Variants in WDPCP observed in about 807,000 individuals in gnomAD.
WDPCP encodes the protein WD repeat-containing and planar cell polarity effector protein fritz homolog.
A neutral mutation model predicts 93.1 loss-of-function variants in WDPCP; 71 were observed. The observed-to-expected ratio is 0.76, with a 90% CI of 0.63 to 0.93. The LOEUF is 0.93. Ranked by LOEUF, WDPCP falls within the 40% of genes least tolerant of loss-of-function variation. WDPCP has a pLI of 0.00. For synonymous variants in WDPCP, 315 were observed against 315.0 expected (o/e 1.00, Z 0.00); for missense variants, 844 against 887.4 (o/e 0.95, Z 0.62).
At chr2:63,225,281 T>G (rs1678192209) in intron 14 of WDPCP, among the ~76,000 whole-genome samples, 1 of 151,724 alleles carries the variant, frequency 6.6e-6, no homozygotes, top group Admixed American at 6.6e-5. Flanking sequence ...AAAAGATATA[T>G]CCAAATTCCC....
chr2:63,204,873 A>AT, intron 14 of WDPCP, among the ~76,000 whole-genome samples: 1 of 151,856 alleles, frequency 6.6e-6, no homozygotes, highest in Non-Finnish European at 1.5e-5. Flanking sequence ...CCATTTGTCC[A>AT]TTTTTGCTTT....
At chr2:63,137,554 G>C (rs925072329) in intron 17 of WDPCP, among the ~76,000 whole-genome samples, 8 of 152,026 alleles carry the variant, frequency 5.3e-5, no homozygotes, top group Admixed American at 3.3e-4. Flanking sequence ...CTTTAGTTTA[G>C]TTTAATTGGA....
chr2:63,181,778 G>GTT (rs376768044), intron 14 of WDPCP, among the ~76,000 whole-genome samples: 21 of 149,046 alleles, frequency 1.4e-4, no homozygotes, highest in African/African-American at 5.2e-4. Flanking sequence ...CATCTGTATG[G>GTT]TTTTTTTTTA....
intron 9 of WDPCP, among the ~76,000 whole-genome samples, chr2:63,423,270 G>T (rs567022195): frequency 9.4e-4 from 143 of 152,278 alleles, no homozygotes; most frequent in African/African-American, 3.4e-3. Context: ...TTTGTCACTG[G>T]TTGAAAGCTA....
intron 2 of WDPCP, among the ~76,000 whole-genome samples, chr2:63,676,079 G>A (rs1285986821): frequency 2.8e-4 from 42 of 152,134 alleles, no homozygotes; most frequent in Admixed American, 2.7e-3. Flanking sequence ...AGCTGGCTAG[G>A]TTATTTTGGA....
intron 14 of WDPCP, among the ~76,000 whole-genome samples, chr2:63,216,448 A>G (rs1272713202): frequency 2.0e-5 from 3 of 152,192 alleles, no homozygotes; most frequent in Non-Finnish European, 2.9e-5. Flanking sequence ...TAAGCAAACT[A>G]TCACAAGGAT....
chr2:63,369,241 AG>A, intron 12 of WDPCP: 1 of 330,996 alleles, frequency 3.0e-6, no homozygotes, highest in South Asian at 2.6e-5. Context: ...ATGTCCTTAA[AG>A]GCCAGTTACT....
chr2:63,408,041 C>T (rs1694728357), intron 9 of WDPCP, among the ~76,000 whole-genome samples: 1 of 152,138 alleles, frequency 6.6e-6, no homozygotes, highest in African/African-American at 2.4e-5. Flanking sequence ...CTCTAATAGG[C>T]TCTGTAGTTT....
intron 12 of WDPCP, chr2:63,377,793 GTATA>G (rs35964937): frequency 0.65 from 97,596 of 149,178 alleles, 33,752 homozygotes; most frequent in African/African-American, 0.9. Context: ...TGAACTTCAT[GTATA>G]TATATATATA....
chr2:63,188,452 CT>C (rs1216754440), intron 14 of WDPCP, among the ~76,000 whole-genome samples: 1 of 151,684 alleles, frequency 6.6e-6, no homozygotes, highest in East Asian at 1.9e-4. Flanking sequence ...CATTGAACCC[CT>C]CTAGTGAATT....
chr2:63,672,961 C>T (rs935916725), intron 2 of WDPCP, among the ~76,000 whole-genome samples: 1 of 151,978 alleles, frequency 6.6e-6, no homozygotes, highest in African/African-American at 2.4e-5. Context: ...CTGTGTTGCC[C>T]AGGTTGGTCT....
chr2:63,527,984 T>A (rs1280349501), intron 1 of WDPCP, among the ~76,000 whole-genome samples: 2 of 152,088 alleles, frequency 1.3e-5, no homozygotes, highest in African/African-American at 2.4e-5. Context: ...CAATGAGCAT[T>A]TTTTCATGTG....
At chr2:63,161,669 G>A (rs1672652481) in intron 15 of WDPCP, among the ~76,000 whole-genome samples, 1 of 151,754 alleles carries the variant, frequency 6.6e-6, no homozygotes, top group Non-Finnish European at 1.5e-5. Context: ...AATATAATTT[G>A]ACTAAAAATA....
In WDPCP at chr2:63,174,711, TC is replaced by T; in HGVS notation, c.2036del (p.Arg679AsnfsTer9). The T allele has an allele frequency of 6.2e-7, 1 of 1,614,018 alleles. No homozygotes were observed. The highest frequency in any genetic ancestry group is 1.7e-5 in the Admixed American group (1 of 60,002). On this transcript the variant is annotated frameshift_variant, in exon 15 of 18. Coordinates refer to ENST00000272321, the MANE Select transcript of WDPCP (RefSeq NM_015910.7). LOFTEE classifies it high-confidence loss of function. Reference protein sequence around the residue: ...DNLPPSCPTHRHILQQRILNG... With the variant: ...DNLPPSCPTHXHILQQRILNG... ...TCAGTATTCTTTGTTGTAAAATATG[TC>T]TGTGGGTTGGGCAAGAGGGAGGGAG...
intron 14 of WDPCP, among the ~76,000 whole-genome samples, chr2:63,246,723 A>T (rs1311877750): frequency 2.6e-5 from 4 of 152,170 alleles, no homozygotes; most frequent in Non-Finnish European, 5.9e-5. Context: ...ACTTTGAAGG[A>T]TTCTGTATGT....
intron 9 of WDPCP, among the ~76,000 whole-genome samples, chr2:63,424,908 G>A (rs923554590): frequency 6.6e-6 from 1 of 152,158 alleles, no homozygotes; most frequent in Non-Finnish European, 1.5e-5. Flanking sequence ...AATGGATCTG[G>A]CGAGGGGCTT....
intron 17 of WDPCP, among the ~76,000 whole-genome samples, chr2:63,143,038 C>T (rs1215703695): frequency 3.3e-5 from 5 of 151,916 alleles, no homozygotes; most frequent in African/African-American, 1.2e-4. Context: ...ACACTTTCTG[C>T]CTCCCAAGTT....
intron 14 of WDPCP, among the ~76,000 whole-genome samples, chr2:63,223,343 C>T (rs1318042234): frequency 1.3e-5 from 2 of 152,072 alleles, no homozygotes; most frequent in Non-Finnish European, 2.9e-5. Flanking sequence ...TATCAGAGAA[C>T]GTTTTACCAC....
At chr2:63,363,371 G>A (rs1260342100) in intron 12 of WDPCP, among the ~76,000 whole-genome samples, 1 of 152,130 alleles carries the variant, frequency 6.6e-6, no homozygotes, top group East Asian at 1.9e-4. Flanking sequence ...GGCAGAGTTA[G>A]GCAGAATGCT....
Sources: gnomAD v4.1 joint callset for allele counts (sites outside exome capture counted in the v4.1 genomes callset) on GRCh38, gnomAD v4.1.1 for gene constraint, MANE v1.5 for transcripts, NCBI Gene and HGNC (gene_info 2026-07-23, HGNC 2026-07-21) for gene names.